ZNF212: variants seen among roughly 807,000 people sequenced by gnomAD.
ZNF212 encodes Zinc finger protein C2H2-150.
Under a neutral mutation model 47.3 loss-of-function variants are expected in ZNF212, and 32 were observed. The ratio of observed to expected loss-of-function variants is 0.68; its 90% CI spans 0.51 to 0.91. The LOEUF (loss-of-function observed/expected upper bound fraction) is 0.91, where lower values mean the gene tolerates loss of function less well. Among genes scored for constraint, ZNF212 ranks in the 40% least tolerant of loss-of-function variants. The pLI is 0.00. For synonymous variants in ZNF212, 242 were observed against 253.8 expected (o/e 0.95, Z 0.44); for missense variants, 555 against 622.8 (o/e 0.89, Z 1.16).
chr7:149,245,133 G>C (rs893736512), intron 1 of ZNF212, among the ~76,000 whole-genome samples: 1 of 152,130 alleles, frequency 6.6e-6, no homozygotes, highest in Non-Finnish European at 1.5e-5. Context: ...TGGATCATTT[G>C]AGGTCAGGAG....
intron 1 of ZNF212, among the ~76,000 whole-genome samples, chr7:149,242,236 G>A (rs1796603546): frequency 6.6e-6 from 1 of 151,568 alleles, no homozygotes; most frequent in Non-Finnish European, 1.5e-5. Context: ...GGCTGGGCTG[G>A]TCTCTGAACT....
chr7:149,244,726 G>A (rs1666350531), intron 1 of ZNF212, among the ~76,000 whole-genome samples: 1 of 152,224 alleles, frequency 6.6e-6, no homozygotes, highest in South Asian at 2.1e-4. Context: ...ATGAAAATGT[G>A]TGCATTCCCA....
chr7:149,244,080 C>T (rs1026548883), intron 1 of ZNF212, among the ~76,000 whole-genome samples: 3 of 152,136 alleles, frequency 2.0e-5, no homozygotes, highest in African/African-American at 7.2e-5. Context: ...GGATTACAGT[C>T]ATGTGCCACC....
chr7:149,240,860 C>T (rs1330149952), intron 1 of ZNF212, among the ~76,000 whole-genome samples: 1 of 152,118 alleles, frequency 6.6e-6, no homozygotes, highest in African/African-American at 2.4e-5. Context: ...GTAGAAAGTG[C>T]GTTAAGAACT....
At chr7:149,240,837 A>C (rs1223214831) in intron 1 of ZNF212, among the ~76,000 whole-genome samples, 2 of 152,212 alleles carry the variant, frequency 1.3e-5, no homozygotes, top group African/African-American at 4.8e-5. Context: ...AGGGTGCGCT[A>C]TATTTGATTC....
rs138843072 is a variant in ZNF212, at chr7:149,253,865, C to G, written c.938C>G (p.Ser313Cys). ...GGCCTGAAGCTGAAAAAGGACACTT[C>G]CCGCCCCTACGAATGTTCTGAGTGT... ...GQGLKLKKDT[S>C]RPYECSECEI... Residue 313 changes from serine to cysteine, a missense_variant, in exon 5 of 5, where the codon TCC (serine) becomes TGC (cysteine). Ser to Cys is a moderately radical substitution (Grantham distance 112, BLOSUM62 -1). Transcript: ENST00000335870. 51 of 1,613,942 alleles carry G rather than the reference C, an allele frequency of 3.2e-5. No homozygotes were observed. The highest frequency in any genetic ancestry group is 4.0e-5 in the African/African-American group (3 of 74,934).
At position 149,250,356 on chromosome 7, in the gene ZNF212, G is replaced by A. The variant is rs759920032; in HGVS notation, c.222G>A (p.Lys74=). ...AGGGGCGCACGGGGACAGCCGAGAA[G>A]AAGCTGGCTGACTGCGAGAAGATGG... ...SLEGRTGTAE[K]KLADCEKMAV... Residue 74 remains lysine, a synonymous_variant, in exon 2 of 5, where the codon AAG becomes AAA. Transcript: ENST00000335870. The A allele has an allele frequency of 1.1e-5, 17 of 1,614,208 alleles. No homozygotes were observed. In the South Asian group the frequency reaches 1.5e-4, roughly 15 times the overall value.
intron 1 of ZNF212, among the ~76,000 whole-genome samples, chr7:149,244,469 C>T (rs1015843417): frequency 5.3e-5 from 8 of 152,046 alleles, no homozygotes; most frequent in East Asian, 1.9e-4. Context: ...CCCGTCACCA[C>T]GCCCGGCTAA....
Position 149,251,491 on chromosome 7 carries a change from CTTTT to C in ZNF212, c.541+705_541+708del, listed in dbSNP as rs71194634. On this transcript the variant is annotated intron_variant, in intron 3 of 4. Transcript: ENST00000335870. Reference sequence around the variant, plus strand: ...AGCCACTGCGTCTGGCCTGTTTTATCTTTTTTTTTTTTTTTTTTTTTTTTGAGAC... The same window carrying C: ...AGCCACTGCGTCTGGCCTGTTTTATCTTTTTTTTTTTTTTTTTTTTGAGAC... 5.1e-3 allele frequency among the ~76,000 whole-genome samples: 392 copies of C among 77,410 alleles called. 4 individuals are homozygous for C. Among genetic ancestry groups the C allele is most frequent in the African/African-American group, 0.02 (377 of 19,066 alleles). 50.8% of individuals were successfully genotyped at this position (77,410 alleles called of 152,430 possible).
intron 1 of ZNF212, among the ~76,000 whole-genome samples, chr7:149,240,624 C>T (rs1796574866): frequency 6.6e-6 from 1 of 152,134 alleles, no homozygotes; most frequent in South Asian, 2.1e-4. Flanking sequence ...CTTCCAGCTC[C>T]GACATTCTCA....
chr7:149,253,860 C>T lies in ZNF212; in HGVS notation c.933C>T (p.Asp311=), dbSNP rs150214108. 1.2e-6 allele frequency: 2 copies of T among 1,613,906 alleles called. No individual in the cohort carries two copies. Among genetic ancestry groups the T allele is most frequent in the African/African-American group, 2.7e-5 (2 of 74,916 alleles). Residue 311 remains aspartate (D), a synonymous_variant, in exon 5 of 5, where the codon GAC becomes GAT. Coordinates refer to ENST00000335870, the MANE Select transcript of ZNF212 (RefSeq NM_012256.4). ...ECGQGLKLKK[D]TSRPYECSEC... ...GGCAGGGCCTGAAGCTGAAAAAGGA[C>T]ACTTCCCGCCCCTACGAATGTTCTG...
At position 149,253,631 on chromosome 7, in the gene ZNF212, C is replaced by T. The variant is rs770800738; in HGVS notation, c.704C>T (p.Ser235Leu). 9 of 1,614,214 alleles carry T rather than the reference C, an allele frequency of 5.6e-6. No individual in the cohort carries two copies. The highest frequency in any genetic ancestry group is 2.2e-5 in the East Asian group (1 of 44,882). Residue 235 changes from serine to leucine, a missense_variant, in exon 5 of 5, where the codon TCA becomes TTA. Physicochemically the swap from Ser to Leu is moderately radical, Grantham distance 145. Coordinates refer to ENST00000335870, the MANE Select transcript of ZNF212 (RefSeq NM_012256.4). ...CCTGCGGATCTTCCTGGAGAGTTCT[C>T]ATGCATTGCTGAAGAGCAGGCTTTC... ...EGPADLPGEF[S>L]CIAEEQAFLS...
At chr7:149,240,693 A>G (rs912212306) in intron 1 of ZNF212, among the ~76,000 whole-genome samples, 2 of 152,200 alleles carry the variant, frequency 1.3e-5, no homozygotes, top group Non-Finnish European at 2.9e-5. Flanking sequence ...AGGGTTTGCA[A>G]CGGAAGGGGC....
Position 149,254,566 on chromosome 7 carries a change from C to A in ZNF212, c.*151C>A, listed in dbSNP as rs1454534148. 16 of 1,210,434 alleles carry A rather than the reference C, an allele frequency of 1.3e-5. No homozygotes were observed. The highest frequency in any genetic ancestry group is 1.8e-5 in the Non-Finnish European group (16 of 898,832). The allele number at this position is 1,210,434 out of a possible 1,614,324, so 75.0% of individuals were successfully genotyped here. On this transcript the variant is annotated 3_prime_UTR_variant, in exon 5 of 5. Coordinates refer to ENST00000335870, the MANE Select transcript of ZNF212 (RefSeq NM_012256.4). This position sits in a 1 kb window ranked among gnomAD's most constrained non-coding sequence, Gnocchi z 4.5. ...GTACCAAGCCAAGCCCAAAGGCTGT[C>A]CTGAAAACCCTGTGGAAGAAGAGTC... is the stretch of plus-strand genomic sequence containing the variant.
chr7:149,242,352 C>CAAA (rs200276596), intron 1 of ZNF212, among the ~76,000 whole-genome samples: 7 of 133,854 alleles, frequency 5.2e-5, no homozygotes, highest in Non-Finnish European at 8.2e-5. Context: ...TAAAAGCAAC[C>CAAA]AAAAAAAAAA....
At chr7:149,247,020 C>T (rs1275383317) in intron 1 of ZNF212, among the ~76,000 whole-genome samples, 2 of 150,358 alleles carry the variant, frequency 1.3e-5, no homozygotes, top group Non-Finnish European at 3.0e-5. Flanking sequence ...CCATGTTGGT[C>T]AGGCTGGTCT....
chr7:149,246,974 G>A (rs1337160444), intron 1 of ZNF212, among the ~76,000 whole-genome samples: 2 of 150,254 alleles, frequency 1.3e-5, no homozygotes, highest in African/African-American at 4.9e-5. Context: ...CACCATGCCC[G>A]GCTCATTTTG....
At position 149,255,075 on chromosome 7, in the gene ZNF212, A is replaced by G. The variant is rs1796816164; in HGVS notation, c.*660A>G. 1 of 152,174 alleles carries G rather than the reference A, an allele frequency of 6.6e-6. No individual in the cohort carries two copies. The highest frequency in any genetic ancestry group is 1.5e-5 in the Non-Finnish European group (1 of 68,064). The allele number at this position is 152,174 out of a possible 1,614,324, so 9.4% of individuals were successfully genotyped here. A position where few individuals can be genotyped will look rare whatever the true frequency, so the allele number is the denominator to read the frequency against. On this transcript the variant is annotated 3_prime_UTR_variant, in exon 5 of 5. Coordinates refer to ENST00000335870, the MANE Select transcript of ZNF212 (RefSeq NM_012256.4). ...CCACTGATGCTTACTTAGGCCGGAG[A>G]GCAGGGGACACGGTGCTAGGTTCCC... is the stretch of plus-strand genomic sequence containing the variant.
rs762538268 is a variant in ZNF212, at chr7:149,253,791, G to A, written c.864G>A (p.Pro288=). 10 of 1,613,988 alleles carry A rather than the reference G, an allele frequency of 6.2e-6. No individual in the cohort carries two copies. The highest frequency in any genetic ancestry group is 7.6e-6 in the Non-Finnish European group (9 of 1,179,970). Reference sequence around the variant, plus strand: ...GCAGCAGCAGAACTGTGGGCTGCCCGAAGCAGAAATCTCATAGGCAGGTAC... The same window carrying A: ...GCAGCAGCAGAACTGTGGGCTGCCCAAAGCAGAAATCTCATAGGCAGGTAC... ...VPSSSRTVGC[P]KQKSHRQVQL... is the part of the protein sequence containing the mutation. Residue 288 remains proline, a synonymous_variant, in exon 5 of 5, where the codon CCG becomes CCA. Coordinates refer to ENST00000335870, the MANE Select transcript of ZNF212 (RefSeq NM_012256.4).
Sources: allele counts gnomAD v4.1 joint callset (sites outside exome capture counted in the v4.1 genomes callset), GRCh38; gene constraint gnomAD v4.1.1; non-coding constraint Gnocchi (gnomAD v3.1); transcripts MANE v1.5; gene names NCBI Gene and HGNC (gene_info 2026-07-23, HGNC 2026-07-21).